Variants in AKAP19 observed in about 807,000 individuals in gnomAD.
AKAP19 encodes the protein A-kinase anchoring protein 19.
chr2:190,187,001 A>G, the AKAP19 span, among the ~76,000 whole-genome samples: 2 of 151,964 alleles, frequency 1.3e-5, no homozygotes, highest in South Asian at 2.1e-4. Context: ...TACCATGCCC[A>G]GCTGATTTTT....
the AKAP19 span, among the ~76,000 whole-genome samples, chr2:190,178,364 T>C: frequency 6.6e-6 from 1 of 152,192 alleles, no homozygotes; most frequent in African/African-American, 2.4e-5. The surrounding 1 kb of genome is among the most constrained non-coding windows in gnomAD (Gnocchi z 6.3). Context: ...AACCTGCAAG[T>C]ACCTGTTCAC....
chr2:190,054,823 A>G, the AKAP19 span, among the ~76,000 whole-genome samples: 72 of 152,232 alleles, frequency 4.7e-4, no homozygotes, highest in East Asian at 0.012. Context: ...AAAAGTCAGG[A>G]AACAACAGGT....
the AKAP19 span, among the ~76,000 whole-genome samples, chr2:190,015,565 C>T: frequency 6.6e-6 from 1 of 152,232 alleles, no homozygotes; most frequent in African/African-American, 2.4e-5. Flanking sequence ...GAGACATTTT[C>T]TCCATCATCT....
At chr2:189,954,195 C>T in the AKAP19 span, among the ~76,000 whole-genome samples, 2 of 152,166 alleles carry the variant, frequency 1.3e-5, no homozygotes, top group Non-Finnish European at 2.9e-5. Flanking sequence ...AAGTGGCACA[C>T]CTACTTTATC....
chr2:189,968,367 A>G, the AKAP19 span, among the ~76,000 whole-genome samples: 3 of 152,104 alleles, frequency 2.0e-5, no homozygotes, highest in Non-Finnish European at 4.4e-5. Flanking sequence ...TCTCTGGTGT[A>G]GCTAGGACTA....
the AKAP19 span, among the ~76,000 whole-genome samples, chr2:190,038,607 G>T: frequency 2.6e-5 from 4 of 152,016 alleles, no homozygotes; most frequent in Non-Finnish European, 5.9e-5. Flanking sequence ...TCCCCCAAAA[G>T]GGAGCAAGGA....
At chr2:190,126,614 A>G in the AKAP19 span, among the ~76,000 whole-genome samples, 21 of 152,114 alleles carry the variant, frequency 1.4e-4, no homozygotes, top group African/African-American at 4.8e-4. Context: ...TAAAATCTTC[A>G]GTTGGTGATT....
At chr2:190,197,481 C>G in the AKAP19 span, among the ~76,000 whole-genome samples, 1 of 152,186 alleles carries the variant, frequency 6.6e-6, no homozygotes, top group African/African-American at 2.4e-5. The surrounding 1 kb of genome is among the most constrained non-coding windows in gnomAD (Gnocchi z 4.0). Context: ...AAGTCTCATG[C>G]AGATTTCTGC....
chr2:190,162,360 G>GA, the AKAP19 span, among the ~76,000 whole-genome samples: 20 of 152,130 alleles, frequency 1.3e-4, 1 homozygote, highest in South Asian at 4.1e-4. Context: ...CTAAGTTGGG[G>GA]AAAAACAGAG....
chr2:190,014,877 A>C, the AKAP19 span, among the ~76,000 whole-genome samples: 1 of 152,212 alleles, frequency 6.6e-6, no homozygotes, highest in African/African-American at 2.4e-5. Context: ...GGCAGTCATT[A>C]CATCTTAGGG....
chr2:190,118,529 G>A, the AKAP19 span, among the ~76,000 whole-genome samples: 10 of 152,084 alleles, frequency 6.6e-5, no homozygotes, highest in Non-Finnish European at 1.3e-4. Flanking sequence ...ATGATCAAGT[G>A]GGCTTCATCC....
the AKAP19 span, among the ~76,000 whole-genome samples, chr2:190,050,952 A>G: frequency 1.3e-5 from 2 of 152,138 alleles, no homozygotes; most frequent in African/African-American, 4.8e-5. Context: ...GTCCGTGGAG[A>G]GGAGCTTCAT....
chr2:189,937,146 A>C, the AKAP19 span, among the ~76,000 whole-genome samples: 1 of 152,154 alleles, frequency 6.6e-6, no homozygotes, highest in African/African-American at 2.4e-5. Flanking sequence ...CTTCAAAAGA[A>C]AAGGAAGAAA....
At chr2:190,085,200 A>T in the AKAP19 span, among the ~76,000 whole-genome samples, 2 of 152,230 alleles carry the variant, frequency 1.3e-5, no homozygotes, top group Non-Finnish European at 2.9e-5. Flanking sequence ...TAGATTAGAC[A>T]TGAAATATAT....
chr2:190,046,177 C>T, the AKAP19 span, among the ~76,000 whole-genome samples: 1 of 152,308 alleles, frequency 6.6e-6, no homozygotes, highest in East Asian at 1.9e-4. Context: ...GCTGTATTTA[C>T]TTGCTCCTTC....
At chr2:189,928,447 G>C in the AKAP19 span, among the ~76,000 whole-genome samples, 5 of 151,946 alleles carry the variant, frequency 3.3e-5, no homozygotes, top group Non-Finnish European at 5.9e-5. Context: ...TGTTTAAGTA[G>C]AAAACACAAG....
chr2:189,888,816 G>T, the AKAP19 span, among the ~76,000 whole-genome samples: 1 of 152,180 alleles, frequency 6.6e-6, no homozygotes, highest in Non-Finnish European at 1.5e-5. Context: ...TGCTGAAGTT[G>T]GTTGTCAGCT....
the AKAP19 span, among the ~76,000 whole-genome samples, chr2:189,890,262 A>C: frequency 6.6e-6 from 1 of 152,012 alleles, no homozygotes; most frequent in African/African-American, 2.4e-5. Context: ...CTGAGTTCTA[A>C]TTTGATTGCA....
chr2:189,882,682 G>A, the AKAP19 span, among the ~76,000 whole-genome samples: 3 of 152,070 alleles, frequency 2.0e-5, no homozygotes, highest in Middle Eastern at 3.2e-3. Context: ...CTTTCTGTCC[G>A]AAACCCGTGA....
Sources: allele counts gnomAD v4.1 joint callset (sites outside exome capture counted in the v4.1 genomes callset), GRCh38; gene constraint gnomAD v4.1.1; non-coding constraint Gnocchi (gnomAD v3.1); transcripts MANE v1.5; gene names NCBI Gene and HGNC (gene_info 2026-07-23, HGNC 2026-07-21).